The following EPM2A variants were observed in gnomAD, a reference collection of about 807,000 sequenced individuals.
EPM2A encodes the protein EPM2A glucan phosphatase, laforin.
EPM2A carries 21 observed loss-of-function variants against 26.5 expected under a neutral mutation model. The observed-to-expected ratio is 0.79, with a 90% CI of 0.56 to 1.14. The LOEUF (loss-of-function observed/expected upper bound fraction) is 1.14, where lower values mean the gene tolerates loss of function less well. EPM2A is among the 50% of genes most tolerant of loss of function. The probability of loss-of-function intolerance (pLI) is 0.00; values close to 1 mark genes in which losing one functional copy is unlikely to be tolerated. For missense variants in EPM2A, 458 were observed against 440.8 expected (o/e 1.04, Z -0.35); for synonymous variants, 217 against 177.6 (o/e 1.22, Z -1.76).
chr6:145,464,456 C>A (rs1221032182), intron 4 of EPM2A, among the ~76,000 whole-genome samples: 1 of 152,124 alleles, frequency 6.6e-6, no homozygotes, highest in East Asian at 1.9e-4. Context: ...CATCATTACC[C>A]ACTGTGGAGA....
chr6:145,483,660 T>C (rs1371188350), intron 4 of EPM2A, among the ~76,000 whole-genome samples: 2 of 152,104 alleles, frequency 1.3e-5, no homozygotes, highest in Non-Finnish European at 2.9e-5. Flanking sequence ...AGAAAGCAAT[T>C]TCATATTAGT....
At chr6:145,697,577 C>T (rs1032683231) in intron 1 of EPM2A, among the ~76,000 whole-genome samples, 7 of 152,044 alleles carry the variant, frequency 4.6e-5, no homozygotes, top group Non-Finnish European at 1.0e-4. Context: ...TTATTTCATC[C>T]CTACGGCTCG....
At chr6:145,473,696 T>C (rs1203016515) in intron 4 of EPM2A, among the ~76,000 whole-genome samples, 1 of 151,816 alleles carries the variant, frequency 6.6e-6, no homozygotes, top group African/African-American at 2.4e-5. Flanking sequence ...ATAATGGAGC[T>C]CCAGTACATC....
At position 145,735,253 on chromosome 6, in the gene EPM2A, G is replaced by A. The variant is rs1776792686; in HGVS notation, c.246C>T (p.Asp82=). 1.3e-6 allele frequency: 2 copies of A among 1,533,226 alleles called. No individual in the cohort carries two copies. Among genetic ancestry groups the A allele is most frequent in the Non-Finnish European group, 1.8e-6 (2 of 1,139,236 alleles). 95.0% of individuals were successfully genotyped at this position (1,533,226 alleles called of 1,614,324 possible). The change falls in exon 1 of 4, where the codon GAC becomes GAT. Residue 82 remains aspartate, a synonymous_variant. Coordinates refer to ENST00000367519, the MANE Select transcript of EPM2A (RefSeq NM_005670.4). ...AQDGAEPGRV[D]TFWYKFLKRE... The stretch of plus-strand genomic sequence containing the variant: ...GCTTCAGGAACTTGTACCAGAACGT[G>A]TCCACGCGGCCCGGCTCCGCCCCGT...
intron 2 of EPM2A, among the ~76,000 whole-genome samples, chr6:145,678,784 G>A (rs1780268322): frequency 6.6e-6 from 1 of 152,052 alleles, no homozygotes; most frequent in Non-Finnish European, 1.5e-5. Context: ...AAATAGGAAT[G>A]CTTTTACACT....
chr6:145,467,194 T>A (rs1471186329), intron 4 of EPM2A, among the ~76,000 whole-genome samples: 2 of 152,068 alleles, frequency 1.3e-5, no homozygotes, highest in African/African-American at 4.8e-5. Flanking sequence ...CTTTATTTTC[T>A]AAACATAATT....
chr6:145,583,849 G>A (rs1281617876), intron 2 of EPM2A, among the ~76,000 whole-genome samples: 1 of 152,270 alleles, frequency 6.6e-6, no homozygotes, highest in Non-Finnish European at 1.5e-5. Context: ...CACAGCAGGG[G>A]TGGGACATTA....
intron 4 of EPM2A, among the ~76,000 whole-genome samples, chr6:145,406,740 T>G (rs889703309): frequency 6.6e-6 from 1 of 152,132 alleles, no homozygotes; most frequent in Admixed American, 6.6e-5. Flanking sequence ...GCTAGAAAAC[T>G]TCCCAGAGAT....
At chr6:145,713,105 C>T (rs1775427093) in intron 1 of EPM2A, among the ~76,000 whole-genome samples, 1 of 152,048 alleles carries the variant, frequency 6.6e-6, no homozygotes, top group South Asian at 2.1e-4. Context: ...TTTTAAGCTC[C>T]CACTTGTAAC....
At chr6:145,676,967 A>G (rs188455541) in intron 2 of EPM2A, among the ~76,000 whole-genome samples, 2 of 152,250 alleles carry the variant, frequency 1.3e-5, no homozygotes, top group East Asian at 1.9e-4. Context: ...CCTGGCAGAG[A>G]CACACACACA....
At chr6:145,572,406 G>A (rs915843796) in intron 2 of EPM2A, among the ~76,000 whole-genome samples, 1 of 152,122 alleles carries the variant, frequency 6.6e-6, no homozygotes, top group Non-Finnish European at 1.5e-5. Flanking sequence ...GTGCCTTCAG[G>A]ACCTGCTCAA....
rs754302541 is a variant in EPM2A at position 145,627,464 on chromosome 6, ATCT to A, written c.945_947del (p.Glu315del). 1.9e-6 allele frequency: 3 copies of A among 1,614,194 alleles called. No individual in the cohort carries two copies. The highest frequency in any genetic ancestry group is 1.3e-5 in the African/African-American group (1 of 75,042). ...GAACCTTCCCAAATTTCTGGAAAAAATCTTCTTGTGCCCGGGCCAAGGCCTCTT... is the reference window on the plus strand; with the variant it reads ...GAACCTTCCCAAATTTCTGGAAAAAATCTTGTGCCCGGGCCAAGGCCTCTT... On this transcript the variant is annotated inframe_deletion, in exon 4 of 4. Coordinates refer to ENST00000367519, the MANE Select transcript of EPM2A (RefSeq NM_005670.4).
At chr6:145,470,986 G>A (rs1779465839) in intron 4 of EPM2A, among the ~76,000 whole-genome samples, 1 of 152,188 alleles carries the variant, frequency 6.6e-6, no homozygotes, top group East Asian at 1.9e-4. Context: ...TGGGTAGGAT[G>A]TGGTCTGCTC....
chr6:145,386,990 G>A (rs961689320), intron 4 of EPM2A, among the ~76,000 whole-genome samples: 2 of 152,096 alleles, frequency 1.3e-5, no homozygotes, highest in Non-Finnish European at 2.9e-5. Context: ...CCTCACAGAG[G>A]ACTAGAAGTG....
chr6:145,508,888 A>G (rs973980232), intron 2 of EPM2A, among the ~76,000 whole-genome samples: 1 of 152,230 alleles, frequency 6.6e-6, no homozygotes, highest in Non-Finnish European at 1.5e-5. Flanking sequence ...TAGTTATATT[A>G]AGAAATAACC....
At chr6:145,558,743 T>C (rs1051324270) in intron 2 of EPM2A, among the ~76,000 whole-genome samples, 6 of 148,594 alleles carry the variant, frequency 4.0e-5, no homozygotes, top group Admixed American at 4.0e-4. Flanking sequence ...TAGACTTTAA[T>C]AAGAGATAAG....
chr6:145,547,467 C>T (rs912047310), intron 2 of EPM2A, among the ~76,000 whole-genome samples: 5 of 152,106 alleles, frequency 3.3e-5, no homozygotes, highest in African/African-American at 1.2e-4. Context: ...GCTGACCACA[C>T]AATATGTGCA....
Position 145,686,298 on chromosome 6 carries a change from T to C in EPM2A, c.302-2A>G, listed in dbSNP as rs780648601. Reference sequence around the variant, plus strand: ...AACGGTCATGATGAGGTCCATTGCCTAGAACAAGAAAAAATGATAAACAGA... The same window carrying C: ...AACGGTCATGATGAGGTCCATTGCCCAGAACAAGAAAAAATGATAAACAGA... On this transcript the variant is annotated splice_acceptor_variant, in intron 1 of 3. Coordinates refer to ENST00000367519, the MANE Select transcript of EPM2A (RefSeq NM_005670.4). LOFTEE classifies it high-confidence loss of function. The C allele has an allele frequency of 6.2e-7, 1 of 1,612,130 alleles. No homozygotes were observed. The highest frequency in any genetic ancestry group is 8.5e-7 in the Non-Finnish European group (1 of 1,178,372).
chr6:145,674,701 C>G (rs1245182435), intron 2 of EPM2A, among the ~76,000 whole-genome samples: 2 of 151,572 alleles, frequency 1.3e-5, no homozygotes, highest in East Asian at 3.9e-4. Flanking sequence ...GATTGAAGAT[C>G]AAATTAATGA....
Sources: gnomAD v4.1 joint callset for allele counts (sites outside exome capture counted in the v4.1 genomes callset) on GRCh38, gnomAD v4.1.1 for gene constraint, MANE v1.5 for transcripts, NCBI Gene and HGNC (gene_info 2026-07-23, HGNC 2026-07-21) for gene names.